LRRTM3: variants seen among roughly 807,000 people sequenced by gnomAD.
LRRTM3 encodes the protein leucine-rich repeat transmembrane neuronal protein 3.
LRRTM3 carries 24 observed loss-of-function variants against 44.7 expected under a neutral mutation model. The ratio of observed to expected loss-of-function variants is 0.54; its 90% CI spans 0.39 to 0.76. The LOEUF is 0.76. LRRTM3 is among the 30% of genes least tolerant of loss of function. LRRTM3 has a pLI of 0.00. For missense variants in LRRTM3, 587 were observed against 702.2 expected, an observed-to-expected ratio of 0.84 and a Z score of 1.85; for synonymous variants, 277 against 278.7, an observed-to-expected ratio of 0.99 and a Z score of 0.06.
intron 2 of LRRTM3, among the ~76,000 whole-genome samples, chr10:66,938,108 T>G (rs904876818): frequency 6.6e-6 from 1 of 152,250 alleles, no homozygotes; most frequent in African/African-American, 2.4e-5. Context: ...AGTAAACATT[T>G]CAACTCTATG....
intron 2 of LRRTM3, among the ~76,000 whole-genome samples, chr10:67,062,054 G>A (rs573281043): frequency 2.0e-5 from 3 of 152,218 alleles, no homozygotes; most frequent in South Asian, 2.1e-4. Context: ...CAGATAGGAA[G>A]GGGAGGTAAT....
rs370224610 is a variant in LRRTM3 at position 67,061,902 on chromosome 10, A to G, written c.1537-35685A>G. ...GTTCTAGATTCATGCAGAGTTTTAT[A>G]GAATTGGTGCAAAGTATTAGAAAAT... On this transcript the variant is annotated intron_variant, in intron 2 of 2. Coordinates refer to ENST00000361320, the MANE Select transcript of LRRTM3 (RefSeq NM_178011.5). Among the ~76,000 whole-genome samples the G allele has an allele frequency of 3.7e-4, 57 of 152,308 alleles. 2 individuals are homozygous for G. The South Asian group carries it at 0.012, about 32-fold the overall frequency.
At chr10:66,938,958 G>A (rs1847861765) in intron 2 of LRRTM3, among the ~76,000 whole-genome samples, 1 of 152,120 alleles carries the variant, frequency 6.6e-6, no homozygotes, top group African/African-American at 2.4e-5. Flanking sequence ...AAGGTCCTTT[G>A]CTCTTTAGCT....
intron 2 of LRRTM3, among the ~76,000 whole-genome samples, chr10:67,005,596 A>G (rs949517475): frequency 6.6e-6 from 1 of 151,716 alleles, no homozygotes; most frequent in East Asian, 1.9e-4. Flanking sequence ...TGAATCGGAA[A>G]AAAAGGTATG....
intron 2 of LRRTM3, among the ~76,000 whole-genome samples, chr10:66,948,533 T>A (rs10762121): frequency 1.3e-5 from 2 of 151,978 alleles, no homozygotes; most frequent in Non-Finnish European, 2.9e-5. Flanking sequence ...AAGATCTACT[T>A]GGGAAGATTT....
chr10:67,042,598 C>T (rs977070893), intron 2 of LRRTM3, among the ~76,000 whole-genome samples: 2 of 151,536 alleles, frequency 1.3e-5, no homozygotes, highest in African/African-American at 2.4e-5. Flanking sequence ...ACAGTACTGT[C>T]AGAAGCTAGG....
At chr10:66,970,186 A>C (rs772344618) in intron 2 of LRRTM3, among the ~76,000 whole-genome samples, 1 of 152,178 alleles carries the variant, frequency 6.6e-6, no homozygotes. Context: ...TAGAAGCTCT[A>C]AACTAGAGCA....
intron 2 of LRRTM3, among the ~76,000 whole-genome samples, chr10:67,022,948 T>C (rs1232935610): frequency 1.3e-5 from 2 of 151,750 alleles, no homozygotes; most frequent in African/African-American, 2.4e-5. Flanking sequence ...AAAAAATAAA[T>C]AAATAAATAA....
At chr10:66,935,633 A>T (rs7918735) in intron 2 of LRRTM3, among the ~76,000 whole-genome samples, 44,167 of 151,624 alleles carry the variant, frequency 0.29, 6,713 homozygotes, top group Middle Eastern at 0.33. Context: ...TGCCTAAAAA[A>T]ATATATATAT....
chr10:66,953,513 TC>T (rs1848642591), intron 2 of LRRTM3, among the ~76,000 whole-genome samples: 1 of 152,180 alleles, frequency 6.6e-6, no homozygotes, highest in Non-Finnish European at 1.5e-5. Context: ...ATCATGTTCT[TC>T]CAGAAAGACT....
At chr10:66,950,765 C>A (rs1848497840) in intron 2 of LRRTM3, among the ~76,000 whole-genome samples, 1 of 151,998 alleles carries the variant, frequency 6.6e-6, no homozygotes, top group African/African-American at 2.4e-5. Flanking sequence ...TTAATCCTTA[C>A]AAAAACAAAA....
chr10:67,055,233 T>A (rs998596363), intron 2 of LRRTM3, among the ~76,000 whole-genome samples: 2 of 152,212 alleles, frequency 1.3e-5, no homozygotes, highest in African/African-American at 4.8e-5. Context: ...CATAAGTTTG[T>A]TTTTTATCCC....
chr10:66,940,490 T>C (rs1847941966), intron 2 of LRRTM3, among the ~76,000 whole-genome samples: 1 of 152,168 alleles, frequency 6.6e-6, no homozygotes, highest in Non-Finnish European at 1.5e-5. Flanking sequence ...AATATATGTA[T>C]ATTTTGCATA....
chr10:66,944,169 C>G (rs920217784), intron 2 of LRRTM3, among the ~76,000 whole-genome samples: 1 of 152,210 alleles, frequency 6.6e-6, no homozygotes, highest in Non-Finnish European at 1.5e-5. Context: ...AGTCAATCCT[C>G]TCAAACTCTG....
intron 2 of LRRTM3, among the ~76,000 whole-genome samples, chr10:67,035,686 T>C (rs892542846): frequency 6.6e-6 from 1 of 152,182 alleles, no homozygotes; most frequent in Admixed American, 6.5e-5. Context: ...ATTCAATCTT[T>C]CAATCAAATT....
intron 2 of LRRTM3, among the ~76,000 whole-genome samples, chr10:66,977,392 C>T (rs1049585266): frequency 1.2e-4 from 18 of 150,996 alleles, no homozygotes; most frequent in African/African-American, 3.4e-4. Flanking sequence ...GCCAAGATCA[C>T]GCCACTGCAC....
chr10:66,994,525 A>C (rs2132949075), intron 2 of LRRTM3, among the ~76,000 whole-genome samples: 1 of 152,356 alleles, frequency 6.6e-6, no homozygotes, highest in African/African-American at 2.4e-5. Flanking sequence ...GGAAAAAAGC[A>C]GTTGAAGTAA....
intron 2 of LRRTM3, among the ~76,000 whole-genome samples, chr10:66,962,203 A>G (rs1849147764): frequency 6.6e-6 from 1 of 152,110 alleles, no homozygotes; most frequent in Admixed American, 6.5e-5. Context: ...AGGCAAAGTA[A>G]TTACAATGCC....
chr10:66,950,231 T>G (rs1368218423), intron 2 of LRRTM3, among the ~76,000 whole-genome samples: 1 of 152,178 alleles, frequency 6.6e-6, no homozygotes. Context: ...TCTTCCCCAT[T>G]CAACTCTAAT....
Sources: allele counts gnomAD v4.1 joint callset (sites outside exome capture counted in the v4.1 genomes callset), GRCh38; gene constraint gnomAD v4.1.1; transcripts MANE v1.5; gene names NCBI Gene and HGNC (gene_info 2026-07-23, HGNC 2026-07-21).